PCDHGA4: variants seen among roughly 807,000 people sequenced by gnomAD.
PCDHGA4 encodes the protein protocadherin gamma subfamily A, 4.
PCDHGA4 carries 38 observed loss-of-function variants against 54.6 expected under a neutral mutation model. The ratio of observed to expected loss-of-function variants is 0.70; its 90% CI spans 0.54 to 0.91. The LOEUF (loss-of-function observed/expected upper bound fraction) is 0.91, where lower values mean the gene tolerates loss of function less well. PCDHGA4 is among the 40% of genes least tolerant of loss of function. The pLI is 0.00. For synonymous variants in PCDHGA4, 511 were observed against 512.9 expected (o/e 1.00, Z 0.05); for missense variants, 1,298 against 1,220.9 (o/e 1.06, Z -0.94).
chr5:141,401,516 T>G (rs375937507), intron 1 of PCDHGA4, among the ~76,000 whole-genome samples: 3 of 152,320 alleles, frequency 2.0e-5, no homozygotes, highest in South Asian at 2.1e-4. Context: ...CTCTATATAA[T>G]TACCAGAAGA....
chr5:141,487,616 G>A lies in PCDHGA4; in HGVS notation c.2515-7191G>A. On this transcript the variant is annotated intron_variant, in intron 1 of 3. Transcript: ENST00000571252. This position sits in a 1 kb window ranked among gnomAD's most constrained non-coding sequence, Gnocchi z 5.0. ...CTCTGATCTTCTCTATGGGCTAGAG[G>A]TGAGACCTTTGCAGGCTCAACAAAT... 2 of 1,614,220 alleles carry A rather than the reference G, an allele frequency of 1.2e-6. No homozygotes were observed. The highest frequency in any genetic ancestry group is 1.7e-6 in the Non-Finnish European group (2 of 1,180,044).
At position 141,491,546 on chromosome 5, in the gene PCDHGA4, C is replaced by T; in HGVS notation, c.2515-3261C>T. ...GAGGTGACGCTGCGGCCCACAGACT[C>T]GCAGAGCCACTGCTACAGGACGTGC... On this transcript the variant is annotated intron_variant, in intron 1 of 3. Transcript: ENST00000571252. This position sits in a 1 kb window ranked among gnomAD's most constrained non-coding sequence, Gnocchi z 6.9. 1.9e-6 allele frequency: 3 copies of T among 1,614,038 alleles called. No homozygotes were observed. Among genetic ancestry groups the T allele is most frequent in the Non-Finnish European group, 2.5e-6 (3 of 1,180,024 alleles).
intron 1 of PCDHGA4, among the ~76,000 whole-genome samples, chr5:141,435,367 A>C (rs2097758993): frequency 1.3e-5 from 2 of 152,194 alleles, no homozygotes; most frequent in African/African-American, 4.8e-5. Flanking sequence ...TTTATCACTT[A>C]AATATACAAT....
intron 1 of PCDHGA4, chr5:141,478,484 C>T (rs376021397): frequency 6.2e-7 from 1 of 1,613,458 alleles, no homozygotes; most frequent in South Asian, 1.1e-5. Flanking sequence ...GAACACGCTG[C>T]GGAGCTGTGA....
Position 141,477,012 on chromosome 5 carries a change from T to C in PCDHGA4, c.2515-17795T>C. The C allele has an allele frequency of 6.2e-7, 1 of 1,614,186 alleles. No homozygotes were observed. Among genetic ancestry groups the C allele is most frequent in the Non-Finnish European group, 8.5e-7 (1 of 1,180,026 alleles). On this transcript the variant is annotated intron_variant, in intron 1 of 3. Coordinates refer to ENST00000571252, the MANE Select transcript of PCDHGA4 (RefSeq NM_018917.4). The surrounding 1 kb of genome is among the most constrained non-coding windows in gnomAD (Gnocchi z 4.9). The stretch of plus-strand genomic sequence containing the variant: ...GTGCGGCAACTATTCGCCTTAGACC[T>C]TGTAACCGGGATGCTGACAATCAAG...
intron 1 of PCDHGA4, chr5:141,362,451 G>A (rs1762506197): frequency 4.3e-6 from 7 of 1,613,994 alleles, no homozygotes; most frequent in South Asian, 1.1e-5. Flanking sequence ...ACATAACCCC[G>A]GAATTGGTTC....
At chr5:141,368,533 CT>C (rs1239634165) in intron 1 of PCDHGA4, among the ~76,000 whole-genome samples, 2 of 152,024 alleles carry the variant, frequency 1.3e-5, no homozygotes, top group Non-Finnish European at 2.9e-5. Context: ...TGAAAACTTG[CT>C]TTTCCATTTT....
chr5:141,375,176 G>A (rs1430924979), intron 1 of PCDHGA4: 2 of 1,613,900 alleles, frequency 1.2e-6, no homozygotes, highest in African/African-American at 1.3e-5. Context: ...TCCAGGAACA[G>A]TAATCGCCCT....
chr5:141,419,447 C>T (rs754931078), intron 1 of PCDHGA4: 8 of 1,613,016 alleles, frequency 5.0e-6, no homozygotes, highest in Non-Finnish European at 4.2e-6. Flanking sequence ...CACCTTCGAG[C>T]TCACGCTGCA....
At chr5:141,379,981 C>T (rs968805615) in intron 1 of PCDHGA4, among the ~76,000 whole-genome samples, 16 of 135,132 alleles carry the variant, frequency 1.2e-4, no homozygotes, top group Non-Finnish European at 2.3e-4. Context: ...CTCACTGCAA[C>T]TTCCTCCTCC....
chr5:141,435,059 G>A (rs2097741198), intron 1 of PCDHGA4, among the ~76,000 whole-genome samples: 1 of 152,042 alleles, frequency 6.6e-6, no homozygotes, highest in Non-Finnish European at 1.5e-5. Context: ...CCATGCAGCA[G>A]TTTTGTGTAG....
At chr5:141,365,464 A>G in intron 1 of PCDHGA4, 3 of 1,614,072 alleles carry the variant, frequency 1.9e-6, no homozygotes, top group Non-Finnish European at 2.5e-6. Flanking sequence ...ATTCTGGAGA[A>G]AATGGTGAGA....
At chr5:141,424,022 AAC>A (rs1390245883) in intron 1 of PCDHGA4, 1 of 1,046,586 alleles carries the variant, frequency 9.6e-7, no homozygotes, top group Non-Finnish European at 1.2e-6. Flanking sequence ...ATGATTCACA[AAC>A]ACTTTTTATT....
intron 1 of PCDHGA4, chr5:141,424,572 T>C (rs1272121500): frequency 6.6e-6 from 1 of 152,238 alleles, no homozygotes; most frequent in East Asian, 1.9e-4. Context: ...CAAAAACCTA[T>C]TTTCAAATGT....
At chr5:141,389,113 G>A in intron 1 of PCDHGA4, 1 of 1,613,970 alleles carries the variant, frequency 6.2e-7, no homozygotes, top group South Asian at 1.1e-5. Flanking sequence ...GTTCTAGACC[G>A]CGAGCAGAAT....
At chr5:141,376,032 GCCAGC>G in intron 1 of PCDHGA4, 1 of 1,613,116 alleles carries the variant, frequency 6.2e-7, no homozygotes, top group South Asian at 1.1e-5. Flanking sequence ...CAGGACCACG[GCCAGC>G]CCCCTCTCTC....
chr5:141,469,603 GTAAAA>G (rs929191572), intron 1 of PCDHGA4, among the ~76,000 whole-genome samples: 9 of 152,038 alleles, frequency 5.9e-5, no homozygotes, highest in Admixed American at 1.3e-4. Context: ...AACAAAATAA[GTAAAA>G]TAAAATAAAT....
At chr5:141,423,346 G>T in intron 1 of PCDHGA4, 1 of 1,614,214 alleles carries the variant, frequency 6.2e-7, no homozygotes, top group South Asian at 1.1e-5. Context: ...CATCTTCCTG[G>T]TCTTTGTCAT....
intron 1 of PCDHGA4, chr5:141,409,621 A>G: frequency 6.2e-7 from 1 of 1,613,852 alleles, no homozygotes; most frequent in Non-Finnish European, 8.5e-7. Context: ...CCATTGCGCA[A>G]GTGAGCGCCT....
Sources: gnomAD v4.1 joint callset for allele counts (sites outside exome capture counted in the v4.1 genomes callset) on GRCh38, gnomAD v4.1.1 for gene constraint, Gnocchi (gnomAD v3.1) non-coding constraint, MANE v1.5 for transcripts, NCBI Gene and HGNC (gene_info 2026-07-23, HGNC 2026-07-21) for gene names.